Variants in GALNT18 observed in about 807,000 individuals in gnomAD.
The protein encoded by GALNT18 is polypeptide N-acetylgalactosaminyltransferase 18.
Under a neutral mutation model 69.5 loss-of-function variants are expected in GALNT18, and 44 were observed. That is an observed-to-expected ratio of 0.63 (90% confidence interval 0.50 to 0.81). The LOEUF is 0.81. Among genes scored for constraint, GALNT18 ranks in the 40% least tolerant of loss-of-function variants. The pLI is 0.00. For synonymous variants in GALNT18, 364 were observed against 318.2 expected (o/e 1.14, Z -1.53); for missense variants, 715 against 810.0 (o/e 0.88, Z 1.42).
chr11:11,532,393 C>G (rs1023337818), intron 1 of GALNT18, among the ~76,000 whole-genome samples: 1 of 152,204 alleles, frequency 6.6e-6, no homozygotes, highest in African/African-American at 2.4e-5. Context: ...TGAAGGCACA[C>G]AGCTAATGAG....
At chr11:11,296,144 A>G (rs777846450) in intron 9 of GALNT18, among the ~76,000 whole-genome samples, 1 of 152,206 alleles carries the variant, frequency 6.6e-6, no homozygotes, top group Non-Finnish European at 1.5e-5. Context: ...GACTACAGAA[A>G]TGAGAAAAGC....
chr11:11,316,927 C>A (rs1020220293), intron 9 of GALNT18, among the ~76,000 whole-genome samples: 14 of 152,164 alleles, frequency 9.2e-5, no homozygotes, highest in Non-Finnish European at 1.8e-4. Flanking sequence ...TAATGCTTGA[C>A]GTAAAATAAT....
At chr11:11,442,009 T>G (rs1182664806) in intron 2 of GALNT18, among the ~76,000 whole-genome samples, 1 of 152,214 alleles carries the variant, frequency 6.6e-6, no homozygotes, top group Non-Finnish European at 1.5e-5. Context: ...ACTTGGTGGC[T>G]TACAACAACA....
Position 11,600,823 on chromosome 11 carries a change from T to C in GALNT18, c.235+20536A>G, listed in dbSNP as rs1211107411. Among the ~76,000 whole-genome samples the C allele has an allele frequency of 1.3e-5, 2 of 152,156 alleles. No individual in the cohort carries two copies. Among genetic ancestry groups the C allele is most frequent in the African/African-American group, 2.4e-5 (1 of 41,474 alleles). Reference sequence around the variant, plus strand: ...GTTTTTCTAAAGCTCTGCATATTTTTATTCATTCTCTTTTTCTCTTTTTTT... The same window carrying C: ...GTTTTTCTAAAGCTCTGCATATTTTCATTCATTCTCTTTTTCTCTTTTTTT... On this transcript the variant is annotated intron_variant, in intron 1 of 10. Transcript: ENST00000227756. This position sits in a 1 kb window ranked among gnomAD's most constrained non-coding sequence, Gnocchi z 4.8.
intron 3 of GALNT18, among the ~76,000 whole-genome samples, chr11:11,384,074 C>T (rs1853991705): frequency 6.6e-6 from 1 of 151,934 alleles, no homozygotes; most frequent in Non-Finnish European, 1.5e-5. Flanking sequence ...TTTGGCATGA[C>T]TTGATCATAC....
intron 9 of GALNT18, among the ~76,000 whole-genome samples, chr11:11,311,851 A>G (rs1849678602): frequency 6.6e-6 from 1 of 152,182 alleles, no homozygotes; most frequent in Admixed American, 6.5e-5. Context: ...TGGTTGATTG[A>G]GGGTTTCATG....
chr11:11,295,714 A>C (rs970413381), intron 9 of GALNT18, among the ~76,000 whole-genome samples: 2 of 152,166 alleles, frequency 1.3e-5, no homozygotes, highest in African/African-American at 4.8e-5. Flanking sequence ...CTCTGTGGTC[A>C]CTTTACAAGT....
chr11:11,550,660 T>C (rs1397534381), intron 1 of GALNT18, among the ~76,000 whole-genome samples: 2 of 152,022 alleles, frequency 1.3e-5, no homozygotes, highest in Admixed American at 1.3e-4. Context: ...GCCATGGGAG[T>C]GTACCGTCTG....
chr11:11,516,960 G>T (rs1231713457), intron 1 of GALNT18, among the ~76,000 whole-genome samples: 1 of 152,210 alleles, frequency 6.6e-6, no homozygotes, highest in African/African-American at 2.4e-5. Context: ...GGTGGTACTA[G>T]GAGGTGGGGG....
chr11:11,437,273 A>G (rs1855424362), intron 2 of GALNT18, among the ~76,000 whole-genome samples: 3 of 152,332 alleles, frequency 2.0e-5, no homozygotes, highest in South Asian at 2.1e-4. Flanking sequence ...TTAAGCCATA[A>G]AAACCTCCCT....
In GALNT18 at chr11:11,338,489, G is replaced by A. The variant is rs896476802; in HGVS notation, c.1278+2330C>T. Among the ~76,000 whole-genome samples the A allele has an allele frequency of 2.0e-5, 3 of 152,166 alleles. No individual in the cohort carries two copies. The highest frequency in any genetic ancestry group is 7.2e-5 in the African/African-American group (3 of 41,434). On this transcript the variant is annotated intron_variant, in intron 7 of 10. Transcript: ENST00000227756. This position sits in a 1 kb window ranked among gnomAD's most constrained non-coding sequence, Gnocchi z 5.3. ...TTGACTGGGACAGGGCATTGAGAGA[G>A]AGGAAGATTGAAGGATGATGTCATT...
intron 8 of GALNT18, among the ~76,000 whole-genome samples, chr11:11,331,727 T>C (rs1467673151): frequency 6.6e-6 from 1 of 152,194 alleles, no homozygotes; most frequent in Non-Finnish European, 1.5e-5. Context: ...ACTCTTTGAC[T>C]CTGTTTCCCC....
At chr11:11,502,935 A>G (rs1857002622) in intron 1 of GALNT18, among the ~76,000 whole-genome samples, 1 of 152,188 alleles carries the variant, frequency 6.6e-6, no homozygotes, top group African/African-American at 2.4e-5. Context: ...TTCTTGGGAT[A>G]TTGGTCTGCC....
intron 1 of GALNT18, among the ~76,000 whole-genome samples, chr11:11,508,856 T>C (rs1465115664): frequency 1.3e-5 from 2 of 152,212 alleles, no homozygotes; most frequent in East Asian, 3.8e-4. Flanking sequence ...TACTCTTAAA[T>C]GCTATGCAAG....
chr11:11,435,393 G>A lies in GALNT18; in HGVS notation c.429-2606C>T, dbSNP rs1235183239. Among the ~76,000 whole-genome samples, 2 of 152,130 alleles carry A rather than the reference G, an allele frequency of 1.3e-5. No homozygotes were observed. The highest frequency in any genetic ancestry group is 2.1e-4 in the South Asian group (1 of 4,816). ...TGGTCTCCGGATGGTCTTTCTCCAC[G>A]CAGAATGAAATGCTGTATTTGTATA... On this transcript the variant is annotated intron_variant, in intron 2 of 10. Coordinates refer to ENST00000227756, the MANE Select transcript of GALNT18 (RefSeq NM_198516.3). The surrounding 1 kb of genome is among the most constrained non-coding windows in gnomAD (Gnocchi z 4.4).
intron 2 of GALNT18, among the ~76,000 whole-genome samples, chr11:11,447,430 ACT>A (rs1232954991): frequency 1.3e-5 from 2 of 151,658 alleles, no homozygotes; most frequent in Non-Finnish European, 2.9e-5. Flanking sequence ...TGTTTTGTTT[ACT>A]CTCTGCCTCC....
chr11:11,338,135 T>G lies in GALNT18; in HGVS notation c.1278+2684A>C, dbSNP rs2129525. On this transcript the variant is annotated intron_variant, in intron 7 of 10. Coordinates refer to ENST00000227756, the MANE Select transcript of GALNT18 (RefSeq NM_198516.3). The surrounding 1 kb of genome is among the most constrained non-coding windows in gnomAD (Gnocchi z 5.3). Reference sequence around the variant, plus strand: ...GGCATGTGCCACCAAGCCTGGCTAATTTTTGTATTTTTAGTAGAGATGGGG... The same window carrying G: ...GGCATGTGCCACCAAGCCTGGCTAAGTTTTGTATTTTTAGTAGAGATGGGG... Among the ~76,000 whole-genome samples the G allele has an allele frequency of 0.35, 52,515 of 151,422 alleles. 10,699 individuals are homozygous for G. Among genetic ancestry groups the G allele is most frequent in the Non-Finnish European group, 0.46 (31,367 of 67,686 alleles).
chr11:11,565,171 C>T (rs1858613564), intron 1 of GALNT18, among the ~76,000 whole-genome samples: 1 of 152,234 alleles, frequency 6.6e-6, no homozygotes, highest in Admixed American at 6.5e-5. Flanking sequence ...TCATCTGGAG[C>T]ATGGGGACAG....
At position 11,461,826 on chromosome 11, in the gene GALNT18, C is replaced by T. The variant is rs553065622; in HGVS notation, c.236-12890G>A. 2.2e-3 allele frequency among the ~76,000 whole-genome samples: 336 copies of T among 152,352 alleles called. No homozygotes were observed. Among genetic ancestry groups the T allele is most frequent in the Non-Finnish European group, 3.2e-3 (218 of 68,034 alleles). ...GCCTGCAGCCCAGAACAATGCCAGACGCCATGACTCCTTTCAAGGCTCTGC... is the reference window on the plus strand; with the variant it reads ...GCCTGCAGCCCAGAACAATGCCAGATGCCATGACTCCTTTCAAGGCTCTGC... On this transcript the variant is annotated intron_variant, in intron 1 of 10. Coordinates refer to ENST00000227756, the MANE Select transcript of GALNT18 (RefSeq NM_198516.3). The surrounding 1 kb of genome is among the most constrained non-coding windows in gnomAD (Gnocchi z 4.1).
Sources: allele counts gnomAD v4.1 joint callset (sites outside exome capture counted in the v4.1 genomes callset), GRCh38; gene constraint gnomAD v4.1.1; non-coding constraint Gnocchi (gnomAD v3.1); transcripts MANE v1.5; gene names NCBI Gene and HGNC (gene_info 2026-07-23, HGNC 2026-07-21).